NDST2: variants seen among roughly 807,000 people sequenced by gnomAD.
NDST2 encodes N-deacetylase and N-sulfotransferase 2.
NDST2 carries 32 observed loss-of-function variants against 86.9 expected under a neutral mutation model. The ratio of observed to expected loss-of-function variants is 0.37; its 90% CI spans 0.28 to 0.49. NDST2 has a LOEUF of 0.49. NDST2 is among the 20% of genes least tolerant of loss of function. The pLI is 0.97. For synonymous variants in NDST2, 409 were observed against 437.0 expected (o/e 0.94, Z 0.80); for missense variants, 950 against 1,146.9 (o/e 0.83, Z 2.48).
In NDST2 at chr10:73,807,542, C is replaced by T. The variant is rs1161061195; in HGVS notation, c.847G>A (p.Gly283Ser). The change falls in exon 3 of 15, where the codon GGC becomes AGC. Residue 283 changes from glycine to serine, a missense_variant. Physicochemically the swap from Gly to Ser is moderately conservative, Grantham distance 56 (BLOSUM62 0). Transcript: ENST00000309979. ...AGTTTGTGGAGCCAGAAGGAAAGGC[C>T]ATGTCCAAAGAGCACCCGCTGGATG... ...DGIQRVLFGH[G>S]LSFWLHKLIF... The T allele has an allele frequency of 6.2e-7, 1 of 1,614,046 alleles. No homozygotes were observed. The highest frequency in any genetic ancestry group is 8.5e-7 in the Non-Finnish European group (1 of 1,180,034).
intron 11 of NDST2, 55 bp downstream of exon 11, chr10:73,803,519 T>TGGGGGGGGGGCGGG: frequency 1.8e-6 from 1 of 565,892 alleles, no homozygotes; most frequent in Non-Finnish European, 3.4e-6. Flanking sequence ...GCAGTCACTG[T>TGGGGGGGGGGCGGG]CCCCTCCCCC....
intron 9 of NDST2, 56 bp from the exon 10 acceptor site, chr10:73,804,072 C>T: frequency 6.3e-7 from 1 of 1,581,454 alleles, no homozygotes; most frequent in Non-Finnish European, 8.6e-7. Context: ...GAAGCCAGCT[C>T]AACAGCATAA....
chr10:73,804,135 C>T, intron 9 of NDST2, 119 bp from the exon 10 acceptor site: 1 of 1,184,614 alleles, frequency 8.4e-7, no homozygotes, highest in Non-Finnish European at 1.2e-6. Context: ...CCCCTATGGC[C>T]AAACTACAAT....
rs1246836611 is a variant in NDST2 at position 73,802,682 on chromosome 10, C to T, written c.2518G>A (p.Asp840Asn). ...CCCCTGGCTTTACTTACCTCAGTGT[C>T]CATATCTGGATACCTCCGGCCTTTG... is the stretch of plus-strand genomic sequence containing the variant. ...RSKGRRYPDM[D>N]TESRLFLTDF... The change falls in exon 14 of 15, where the codon GAC becomes AAC. Residue 840 changes from aspartate (D) to asparagine (N), a missense_variant. By Grantham distance (23) the Asp-to-Asn change is conservative. This residue lies in a region of NDST2 where 303 missense variants were observed against 323.7 expected (regional missense o/e 0.94). Transcript: ENST00000309979. 12 of 1,614,200 alleles carry T rather than the reference C, an allele frequency of 7.4e-6. No homozygotes were observed. Among genetic ancestry groups the T allele is most frequent in the Non-Finnish European group, 9.3e-6 (11 of 1,180,020 alleles).
In NDST2 at chr10:73,803,313, T is replaced by C; in HGVS notation, c.2189A>G (p.Tyr730Cys). Reference sequence around the variant, plus strand: ...CTGGGAGGAGGCTGAAATCACCTGATAGAAGGTATAGTTCAGAGCAACTGG... The same window carrying C: ...CTGGGAGGAGGCTGAAATCACCTGACAGAAGGTATAGTTCAGAGCAACTGG... Reference protein sequence around the residue: ...GDPVALNYTFYQVISASSQTP... With the variant: ...GDPVALNYTFCQVISASSQTP... Residue 730 changes from tyrosine (Y) to cysteine (C), a missense_variant, in exon 12 of 15, where the codon TAT (tyrosine) becomes TGT (cysteine). Physicochemically the swap from Tyr to Cys is radical, Grantham distance 194. Around this residue, in one of 5 missense-constraint regions of NDST2, gnomAD observed 303 missense variants for 323.7 expected, o/e 0.94. Coordinates refer to ENST00000309979, the MANE Select transcript of NDST2 (RefSeq NM_003635.4). The C allele has an allele frequency of 1.2e-6, 2 of 1,614,088 alleles. No homozygotes were observed. The highest frequency in any genetic ancestry group is 2.2e-5 in the East Asian group (1 of 44,888).
rs768915346 is a variant in NDST2, at chr10:73,806,526, G to A, written c.1249-52C>T. ...GACCTGGTGAGGTTTGGGGAGTAGA[G>A]GGTAAAGAGGGTGGGGAAGCCTCCA... On this transcript the variant is annotated intron_variant, in intron 5 of 14. Transcript: ENST00000309979. The surrounding 1 kb of genome is among the most constrained non-coding windows in gnomAD (Gnocchi z 4.5). 2 of 1,552,270 alleles carry A rather than the reference G, an allele frequency of 1.3e-6. No individual in the cohort carries two copies. Among genetic ancestry groups the A allele is most frequent in the Non-Finnish European group, 1.7e-6 (2 of 1,144,962 alleles).
In NDST2 at chr10:73,804,838, A is replaced by G. The variant is rs886591640; in HGVS notation, c.1778T>C (p.Ile593Thr). The change falls in exon 9 of 15, where the codon ATC becomes ACC. Residue 593 changes from isoleucine (I) to threonine (T), a missense_variant. Physicochemically the swap from Ile to Thr is moderately conservative, Grantham distance 89. Around this residue, in one of 5 missense-constraint regions of NDST2, gnomAD observed 586 missense variants for 714.0 expected, o/e 0.82. Coordinates refer to ENST00000309979, the MANE Select transcript of NDST2 (RefSeq NM_003635.4). ...ATCACAGGTTTTCTCCTTGGACCAGATATCTTTGTGCCTCTTGTCATCACA... is the reference window on the plus strand; with the variant it reads ...ATCACAGGTTTTCTCCTTGGACCAGGTATCTTTGTGCCTCTTGTCATCACA... ...NPCDDKRHKD[I>T]WSKEKTCDRL... is the part of the protein sequence containing the mutation. 1.2e-6 allele frequency: 2 copies of G among 1,611,930 alleles called. No individual in the cohort carries two copies. The highest frequency in any genetic ancestry group is 1.7e-6 in the Non-Finnish European group (2 of 1,178,978).
At position 73,807,365 on chromosome 10, in the gene NDST2, T is replaced by A. The variant is rs746154864; in HGVS notation, c.1005+19A>T. On this transcript the variant is annotated intron_variant, in intron 3 of 14. Coordinates refer to ENST00000309979, the MANE Select transcript of NDST2 (RefSeq NM_003635.4). ...GTGTGAATAGCTTCTAAGAAAAAAA[T>A]TTAAGTAACAAGACTGACCTCAACA... The A allele has an allele frequency of 3.1e-6, 5 of 1,608,542 alleles. No homozygotes were observed. The Admixed American group carries it at 6.7e-5, about 22-fold the overall frequency.
rs1360237162 is a variant in NDST2, at chr10:73,807,713, C to T, written c.676G>A (p.Asp226Asn). 1.2e-6 allele frequency: 2 copies of T among 1,614,184 alleles called. No individual in the cohort carries two copies. Among genetic ancestry groups the T allele is most frequent in the Non-Finnish European group, 1.7e-6 (2 of 1,180,044 alleles). The change falls in exon 3 of 15, where the codon GAC (aspartate) becomes AAC (asparagine). Residue 226 changes from aspartate to asparagine, a missense_variant. Around this residue, in one of 5 missense-constraint regions of NDST2, gnomAD observed 586 missense variants for 714.0 expected, o/e 0.82. Coordinates refer to ENST00000309979, the MANE Select transcript of NDST2 (RefSeq NM_003635.4). ...RLEPGPLPGD[D>N]WTIFQSNHST... The stretch of plus-strand genomic sequence containing the variant: ...TGATTGGATTGGAAGATGGTCCAGT[C>T]ATCACCAGGCAGTGGCCCTGGTTCT...
Position 73,807,891 on chromosome 10 carries a change from C to T in NDST2, c.498G>A (p.Val166=), listed in dbSNP as rs368628321. The T allele has an allele frequency of 6.2e-7, 1 of 1,614,054 alleles. No individual in the cohort carries two copies. The highest frequency in any genetic ancestry group is 1.3e-5 in the African/African-American group (1 of 74,926). Reference sequence around the variant, plus strand: ...GGGCTCGGAAAAAGCCAATGATGCCCACACCATACTCCACGCAGTACCGGT... The same window carrying T: ...GGGCTCGGAAAAAGCCAATGATGCCTACACCATACTCCACGCAGTACCGGT... ...LLDRYCVEYG[V]GIIGFFRAHE... Residue 166 remains valine (V), a synonymous_variant, in exon 3 of 15, where the codon GTG becomes GTA. Transcript: ENST00000309979.
At chr10:73,811,158 G>A (rs1373809065) in intron 1 of NDST2, among the ~76,000 whole-genome samples, 2 of 152,092 alleles carry the variant, frequency 1.3e-5, no homozygotes, top group African/African-American at 2.4e-5. Context: ...GGAGACGGGG[G>A]CACAGGTGGA....
rs746703202 is a variant in NDST2 at position 73,806,066 on chromosome 10, T to C, written c.1435-38A>G. The C allele has an allele frequency of 6.0e-5, 97 of 1,609,136 alleles. No homozygotes were observed. The highest frequency in any genetic ancestry group is 2.7e-4 in the East Asian group (12 of 44,840). On this transcript the variant is annotated intron_variant, in intron 6 of 14. Transcript: ENST00000309979. This position sits in a 1 kb window ranked among gnomAD's most constrained non-coding sequence, Gnocchi z 4.5. ...GAAAAAACAGATGAGATTTGAAAGA[T>C]AGAATGAGAAGTAGATGGAGGACAC...
Position 73,805,137 on chromosome 10 carries a change from G to A in NDST2, c.1747-268C>T, listed in dbSNP as rs2084077124. Among the ~76,000 whole-genome samples, 3 of 151,898 alleles carry A rather than the reference G, an allele frequency of 2.0e-5. No homozygotes were observed. In the South Asian group the frequency reaches 6.2e-4, roughly 31 times the overall value. On this transcript the variant is annotated intron_variant, in intron 8 of 14. Transcript: ENST00000309979. ...GTTAGTCTCAGACTCCTGACCTCAGGTGATCTGCCTGCCTCGGCCTCCCAA... is the reference window on the plus strand; with the variant it reads ...GTTAGTCTCAGACTCCTGACCTCAGATGATCTGCCTGCCTCGGCCTCCCAA...
chr10:73,809,519 AAGT>A (rs1352310476), intron 2 of NDST2, among the ~76,000 whole-genome samples: 1 of 152,174 alleles, frequency 6.6e-6, no homozygotes, highest in African/African-American at 2.4e-5. Context: ...AACTTAGCCT[AAGT>A]AGTTCTACAA....
chr10:73,803,029 T>C lies in NDST2; in HGVS notation c.2366A>G (p.Glu789Gly), dbSNP rs769840778. ...GATACCCAGGAACTTCTGGATGCTCTCCATTGAGGCTGCTGGGTTGGTACG... is the reference window on the plus strand; with the variant it reads ...GATACCCAGGAACTTCTGGATGCTCCCCATTGAGGCTGCTGGGTTGGTACG... ...ELRTNPAASM[E>G]SIQKFLGITP... is the part of the protein sequence containing the mutation. The change falls in exon 13 of 15, where the codon GAG becomes GGG. Residue 789 changes from glutamate (E) to glycine (G), a missense_variant. Physicochemically the swap from Glu to Gly is moderately conservative, Grantham distance 98. Around this residue, in one of 5 missense-constraint regions of NDST2, gnomAD observed 303 missense variants for 323.7 expected, o/e 0.94. Coordinates refer to ENST00000309979, the MANE Select transcript of NDST2 (RefSeq NM_003635.4). 2.5e-6 allele frequency: 4 copies of C among 1,614,178 alleles called. No homozygotes were observed. In the South Asian group the frequency reaches 4.4e-5, roughly 18 times the overall value.
chr10:73,802,898 GTC>G, intron 13 of NDST2, 72 bp downstream of exon 13: 1 of 1,531,340 alleles, frequency 6.5e-7, no homozygotes, highest in Non-Finnish European at 9.1e-7. Flanking sequence ...GTAAATCTAT[GTC>G]TCTAACAGAC....
chr10:73,806,195 TG>T lies in NDST2; in HGVS notation c.1434+93del, dbSNP rs2084099700. ...ACCCCCAATTATGTACCCCCATACT[TG>T]GACTGGCAGTTGATAGAGAACATAG... is the stretch of plus-strand genomic sequence containing the variant. On this transcript the variant is annotated intron_variant, in intron 6 of 14. Transcript: ENST00000309979. This position sits in a 1 kb window ranked among gnomAD's most constrained non-coding sequence, Gnocchi z 4.5. The T allele has an allele frequency of 7.0e-6, 11 of 1,564,542 alleles. No individual in the cohort carries two copies. The highest frequency in any genetic ancestry group is 8.8e-6 in the Non-Finnish European group (10 of 1,139,932).
In NDST2 at chr10:73,807,526, A is replaced by T; in HGVS notation, c.863T>A (p.Leu288His). ...AGCATCAACGAAGATAAGTTTGTGG[A>T]GCCAGAAGGAAAGGCCATGTCCAAA... ...VLFGHGLSFW[L>H]HKLIFVDAVA... The change falls in exon 3 of 15, where the codon CTC becomes CAC. Residue 288 changes from leucine (L) to histidine (H), a missense_variant. Physicochemically the swap from Leu to His is moderately conservative, Grantham distance 99. This residue lies in a region of NDST2 where 586 missense variants were observed against 714.0 expected (regional missense o/e 0.82). Coordinates refer to ENST00000309979, the MANE Select transcript of NDST2 (RefSeq NM_003635.4). The T allele has an allele frequency of 6.2e-7, 1 of 1,614,196 alleles. No homozygotes were observed. The highest frequency in any genetic ancestry group is 8.5e-7 in the Non-Finnish European group (1 of 1,180,032).
rs144703928 is a variant in NDST2, at chr10:73,802,699, C to A, written c.2501G>T (p.Arg834Leu). ...CTCAGTGTCCATATCTGGATACCTC[C>A]GGCCTTTGCTCCGGCCTAGACAGCG... ...KTRCLGRSKG[R>L]RYPDMDTESR... Residue 834 changes from arginine to leucine, a missense_variant, in exon 14 of 15, where the codon CGG (arginine) becomes CTG (leucine). Physicochemically the swap from Arg to Leu is moderately radical, Grantham distance 102 (BLOSUM62 -2). Transcript: ENST00000309979. 1 of 1,613,856 alleles carries A rather than the reference C, an allele frequency of 6.2e-7. No homozygotes were observed. Among genetic ancestry groups the A allele is most frequent in the African/African-American group, 1.3e-5 (1 of 74,906 alleles).
Sources: allele counts gnomAD v4.1 joint callset (sites outside exome capture counted in the v4.1 genomes callset), GRCh38; gene constraint gnomAD v4.1.1; regional missense constraint gnomAD v4.1.1; non-coding constraint Gnocchi (gnomAD v3.1); transcripts MANE v1.5; gene names NCBI Gene and HGNC (gene_info 2026-07-23, HGNC 2026-07-21).